Variants in SLC2A9 observed in about 807,000 individuals in gnomAD.
The protein encoded by SLC2A9 is solute carrier family 2, facilitated glucose transporter member 9.
A neutral mutation model predicts 50.6 loss-of-function variants in SLC2A9; 39 were observed. The observed-to-expected ratio is 0.77, with a 90% CI of 0.60 to 1.01. The LOEUF (loss-of-function observed/expected upper bound fraction) is 1.01. Ranked by LOEUF, SLC2A9 falls within the 50% of genes least tolerant of loss-of-function variation. The probability of loss-of-function intolerance (pLI) is 0.00; values close to 1 mark genes in which losing one functional copy is unlikely to be tolerated. For missense variants in SLC2A9, 686 were observed against 677.6 expected, an observed-to-expected ratio of 1.01 and a Z score of -0.14; for synonymous variants, 324 against 276.9, an observed-to-expected ratio of 1.17 and a Z score of -1.69.
intron 5 of SLC2A9, among the ~76,000 whole-genome samples, chr4:9,978,972 C>T (rs1334183860): frequency 6.6e-6 from 1 of 152,214 alleles, no homozygotes; most frequent in Non-Finnish European, 1.5e-5. Flanking sequence ...ACTTATAAAA[C>T]CTTCCACTGA....
intron 4 of SLC2A9, among the ~76,000 whole-genome samples, chr4:9,984,905 T>C (rs145383845): frequency 3.3e-4 from 50 of 152,302 alleles, no homozygotes; most frequent in African/African-American, 1.1e-3. Flanking sequence ...TACAAGGTCT[T>C]ATGTGATCTG....
At position 9,880,167 on chromosome 4, in the gene SLC2A9, T is replaced by C. The variant is rs138523262; in HGVS notation, c.1291+7400A>G. On this transcript the variant is annotated intron_variant, in intron 10 of 11. Transcript: ENST00000264784. Reference sequence around the variant, plus strand: ...CTTAGGAAGATGCAAGATGGTCTCATGGTCTAAGTGGCAGCTTTTCTTAGA... The same window carrying C: ...CTTAGGAAGATGCAAGATGGTCTCACGGTCTAAGTGGCAGCTTTTCTTAGA... 1.3e-3 allele frequency: 1,271 copies of C among 985,468 alleles called. 8 individuals are homozygous for C. In the African/African-American group the frequency reaches 0.019, roughly 14 times the overall value. 61.0% of individuals were successfully genotyped at this position (985,468 alleles called of 1,614,324 possible).
intron 2 of SLC2A9, among the ~76,000 whole-genome samples, chr4:10,007,667 T>C (rs1299226757): frequency 2.0e-5 from 3 of 152,240 alleles, no homozygotes; most frequent in Non-Finnish European, 4.4e-5. Flanking sequence ...AGAGGTTGCA[T>C]AGCTGTGTTT....
At chr4:9,994,426 C>T (rs1758251377) in intron 3 of SLC2A9, among the ~76,000 whole-genome samples, 1 of 152,194 alleles carries the variant, frequency 6.6e-6, no homozygotes, top group Non-Finnish European at 1.5e-5. Context: ...GAAAAGGAAA[C>T]TGGCAGCTGC....
At chr4:9,835,124 T>A (rs1726818982) in intron 10 of SLC2A9, 116 bp from the exon 11 acceptor site, 2 of 1,454,600 alleles carry the variant, frequency 1.4e-6, no homozygotes, top group Non-Finnish European at 1.9e-6. Flanking sequence ...TGACTGGATG[T>A]GTAGTGGGCC....
At chr4:9,785,282 A>C (rs1210098878) in intron 3 of SLC2A9, among the ~76,000 whole-genome samples, 1 of 152,180 alleles carries the variant, frequency 6.6e-6, no homozygotes, top group East Asian at 1.9e-4. Flanking sequence ...GCATATGTTA[A>C]TGGATGGGGT....
intron 8 of SLC2A9, among the ~76,000 whole-genome samples, chr4:9,900,555 ACT>A (rs1393038003): frequency 6.6e-6 from 1 of 151,728 alleles, no homozygotes; most frequent in Non-Finnish European, 1.5e-5. Context: ...TGGGGCACTG[ACT>A]CTGTTTCTTC....
rs1732149916 is a variant in SLC2A9, at chr4:9,864,587, A to C, written c.1291+22980T>G. On this transcript the variant is annotated intron_variant, in intron 10 of 11. Coordinates refer to ENST00000264784, the MANE Select transcript of SLC2A9 (RefSeq NM_020041.3). Reference sequence around the variant, plus strand: ...AAACTGTGCATCATCTTCATACTATAGATGGGACCTGGCTTAAGGTCACAC... The same window carrying C: ...AAACTGTGCATCATCTTCATACTATCGATGGGACCTGGCTTAAGGTCACAC... Among the ~76,000 whole-genome samples, 4 of 152,216 alleles carry C rather than the reference A, an allele frequency of 2.6e-5. No individual in the cohort carries two copies. The South Asian group carries it at 8.3e-4, about 32-fold the overall frequency.
chr4:9,939,057 G>C (rs1462116192), intron 6 of SLC2A9, among the ~76,000 whole-genome samples: 1 of 152,176 alleles, frequency 6.6e-6, no homozygotes, highest in African/African-American at 2.4e-5. Flanking sequence ...CTTTGGGTTA[G>C]CTATGTGACT....
chr4:9,988,560 C>T (rs1181362553), intron 3 of SLC2A9, among the ~76,000 whole-genome samples: 2 of 152,170 alleles, frequency 1.3e-5, no homozygotes, highest in African/African-American at 4.8e-5. Flanking sequence ...GGCTTCAGAG[C>T]AGGACTTTAA....
chr4:9,829,454 T>C (rs956881385), intron 11 of SLC2A9, among the ~76,000 whole-genome samples: 19 of 137,644 alleles, frequency 1.4e-4, no homozygotes, highest in Non-Finnish European at 2.5e-4. Flanking sequence ...CGGGCAAAGA[T>C]TTCATGACAA....
At position 9,971,306 on chromosome 4, in the gene SLC2A9, G is replaced by T. The variant is rs112169938; in HGVS notation, c.681+9286C>A. 2.9e-3 allele frequency among the ~76,000 whole-genome samples: 446 copies of T among 152,228 alleles called. 2 individuals carry two copies. Among genetic ancestry groups the T allele is most frequent in the African/African-American group, 9.9e-3 (412 of 41,538 alleles). On this transcript the variant is annotated intron_variant, in intron 5 of 11. Coordinates refer to ENST00000264784, the MANE Select transcript of SLC2A9 (RefSeq NM_020041.3). ...GGATCACAACTAATATACAAGCTGAGATTGTCATATTACTATTAATTTTAC... is the reference window on the plus strand; with the variant it reads ...GGATCACAACTAATATACAAGCTGATATTGTCATATTACTATTAATTTTAC...
chr4:9,812,698 T>C (rs1413626433), intron 3 of SLC2A9, among the ~76,000 whole-genome samples: 2 of 152,288 alleles, frequency 1.3e-5, no homozygotes, highest in East Asian at 1.9e-4. Flanking sequence ...CACATAGTCA[T>C]GGAACTGCTG....
At chr4:9,777,186 T>C (rs73805841), downstream of SLC2A9, among the ~76,000 whole-genome samples, 166 of 152,228 alleles carry the variant, frequency 1.1e-3, no homozygotes, top group African/African-American at 3.8e-3. Context: ...TCTGTTTCTG[T>C]CCCCGGGCCC....
At position 9,828,967 on chromosome 4, in the gene SLC2A9, C is replaced by G. The variant is rs1361380154; in HGVS notation, c.1420-2367G>C. Among the ~76,000 whole-genome samples the G allele has an allele frequency of 1.2e-4, 19 of 152,178 alleles. 1 individual carries two copies. Among genetic ancestry groups the G allele is most frequent in the Admixed American group, 1.2e-3 (19 of 15,282 alleles). On this transcript the variant is annotated intron_variant, in intron 11 of 11. Coordinates refer to ENST00000264784, the MANE Select transcript of SLC2A9 (RefSeq NM_020041.3). ...GATGGACTGAGGCTCAGAGAGGCTT[C>G]CTGCCGTATCCCAGGCCACAAACAG... is the stretch of plus-strand genomic sequence containing the variant.
At chr4:9,954,602 C>G (rs1750884059) in intron 5 of SLC2A9, among the ~76,000 whole-genome samples, 1 of 152,240 alleles carries the variant, frequency 6.6e-6, no homozygotes, top group South Asian at 2.1e-4. Context: ...GTGGTAGCGG[C>G]CCTGGGTGAG....
chr4:9,781,275 G>C (rs1718319088), intron 3 of SLC2A9, among the ~76,000 whole-genome samples: 1 of 152,212 alleles, frequency 6.6e-6, no homozygotes, highest in Non-Finnish European at 1.5e-5. Flanking sequence ...TCCGGATTGG[G>C]ACTCGGGTCT....
intron 5 of SLC2A9, among the ~76,000 whole-genome samples, chr4:9,945,832 A>G (rs992650040): frequency 2.0e-5 from 3 of 152,226 alleles, no homozygotes; most frequent in African/African-American, 7.2e-5. Context: ...GAGACCTGCT[A>G]GCACACAGTA....
intron 4 of SLC2A9, among the ~76,000 whole-genome samples, chr4:9,984,650 T>C (rs1185966041): frequency 1.3e-5 from 2 of 152,214 alleles, no homozygotes; most frequent in African/African-American, 4.8e-5. Flanking sequence ...TTTGCCTATT[T>C]AGAAAGAGAG....
Sources: gnomAD v4.1 joint callset for allele counts (sites outside exome capture counted in the v4.1 genomes callset) on GRCh38, gnomAD v4.1.1 for gene constraint, MANE v1.5 for transcripts, NCBI Gene and HGNC (gene_info 2026-07-23, HGNC 2026-07-21) for gene names.